Variants in ANKRD11 observed in about 807,000 individuals in gnomAD.
ANKRD11 encodes ankyrin repeat domain 11, also known as ankyrin repeat domain-containing protein 11.
Under a neutral mutation model 195.7 loss-of-function variants are expected in ANKRD11, and 17 were observed. That is an observed-to-expected ratio of 0.09 (90% CI 0.06 to 0.13). ANKRD11 has a LOEUF of 0.13. Among genes scored for constraint, ANKRD11 ranks in the 10% least tolerant of loss-of-function variants. The pLI is 1.00. For missense variants in ANKRD11, 3,735 were observed against 3,566.1 expected (o/e 1.05, Z -1.21); for synonymous variants, 1,953 against 1,528.1 (o/e 1.28, Z -6.49).
rs766233625 is a variant in ANKRD11, at chr16:89,285,086, A to C, written c.1456T>G (p.Ser486Ala). 1 of 1,613,808 alleles carries C rather than the reference A, an allele frequency of 6.2e-7. No individual in the cohort carries two copies. Among genetic ancestry groups the C allele is most frequent in the South Asian group, 1.1e-5 (1 of 91,082 alleles). ...FCSSESESES[S>A]ESGEDDRDSL... Reference sequence around the variant, plus strand: ...TCCCTGTCATCCTCCCCACTCTCTGAGGACTCGCTCTCCGACTCCGAGGAG... The same window carrying C: ...TCCCTGTCATCCTCCCCACTCTCTGCGGACTCGCTCTCCGACTCCGAGGAG... Residue 486 changes from serine to alanine, a missense_variant, in exon 9 of 13, where the codon TCA becomes GCA. Physicochemically the swap from Ser to Ala is moderately conservative, Grantham distance 99. Transcript: ENST00000301030. The surrounding 1 kb of genome is among the most constrained non-coding windows in gnomAD (Gnocchi z 5.6).
intron 2 of ANKRD11, among the ~76,000 whole-genome samples, chr16:89,407,120 A>AGGCTGGTGAAGCCCAGGTACTCG: frequency 6.6e-6 from 1 of 151,998 alleles, no homozygotes; most frequent in South Asian, 2.1e-4. Context: ...CGGGAGGCGG[A>AGGCTGGTGAAGCCCAGGTACTCG]GGAGGCGGTG....
At chr16:89,374,887 C>A (rs151113521) in intron 2 of ANKRD11, among the ~76,000 whole-genome samples, 7 of 152,070 alleles carry the variant, frequency 4.6e-5, no homozygotes, top group African/African-American at 1.2e-4. Context: ...AGATTTGTGA[C>A]CATTTGGAAA....
chr16:89,328,855 A>T (rs1311564399), intron 2 of ANKRD11: 2 of 125,510 alleles, frequency 1.6e-5, no homozygotes, highest in Non-Finnish European at 3.3e-5. Context: ...GCACGGGCGA[A>T]ATCAGTGGAG....
chr16:89,447,793 A>C (rs1016145245), intron 1 of ANKRD11, among the ~76,000 whole-genome samples: 1 of 150,956 alleles, frequency 6.6e-6, no homozygotes, highest in Non-Finnish European at 1.5e-5. Context: ...CCTAAAATAC[A>C]ATAACTTTTT....
intron 3 of ANKRD11, among the ~76,000 whole-genome samples, chr16:89,311,078 T>G (rs905194272): frequency 1.3e-5 from 2 of 152,236 alleles, no homozygotes; most frequent in Non-Finnish European, 2.9e-5. Flanking sequence ...TATTCCTAGT[T>G]TGCAGAATTT....
Position 89,282,258 on chromosome 16 carries a change from T to C in ANKRD11, c.4284A>G (p.Lys1428=). The change falls in exon 9 of 13, where the codon AAA becomes AAG. Residue 1428 remains lysine (K), a synonymous_variant. Transcript: ENST00000301030. ...KTIELFSTEK[K]DKNDSEREPS... ...GTTCTCTCTCGGAATCATTTTTATCTTTCTTTTCGGTAGAAAACAATTCAA... is the reference window on the plus strand; with the variant it reads ...GTTCTCTCTCGGAATCATTTTTATCCTTCTTTTCGGTAGAAAACAATTCAA... The C allele has an allele frequency of 2.5e-6, 4 of 1,614,242 alleles. No homozygotes were observed. The highest frequency in any genetic ancestry group is 3.4e-6 in the Non-Finnish European group (4 of 1,180,046).
At chr16:89,391,353 A>C (rs2041189711) in intron 2 of ANKRD11, among the ~76,000 whole-genome samples, 1 of 152,004 alleles carries the variant, frequency 6.6e-6, no homozygotes, top group Non-Finnish European at 1.5e-5. Flanking sequence ...GAGTGCTGGC[A>C]GTCTTGCGGG....
intron 1 of ANKRD11, among the ~76,000 whole-genome samples, chr16:89,438,121 G>GACAAGCAAAACTCTGTCTCA (rs2043291912): frequency 6.6e-6 from 1 of 152,252 alleles, no homozygotes; most frequent in Non-Finnish European, 1.5e-5. Flanking sequence ...AGGGGCACTG[G>GACAAGCAAAACTCTGTCTCA]AGATGGGTCC....
chr16:89,409,507 G>C (rs564998004), intron 2 of ANKRD11, among the ~76,000 whole-genome samples: 1 of 152,326 alleles, frequency 6.6e-6, no homozygotes, highest in East Asian at 1.9e-4. Context: ...GAGCAAGACA[G>C]CTAGCTTTTC....
In ANKRD11 at chr16:89,280,654, A is replaced by C; in HGVS notation, c.5888T>G (p.Ile1963Ser). ...PSEQALASSL[I>S]GGTSENPVSW... ...CACAGGGTTTTCAGAGGTGCCCCCGATCAGGCTAGAGGCAAGCGCCTGCTC... is the reference window on the plus strand; with the variant it reads ...CACAGGGTTTTCAGAGGTGCCCCCGCTCAGGCTAGAGGCAAGCGCCTGCTC... The change falls in exon 9 of 13, where the codon ATC (isoleucine) becomes AGC (serine). Residue 1963 changes from isoleucine (I) to serine (S), a missense_variant. Physicochemically the swap from Ile to Ser is moderately radical, Grantham distance 142. Transcript: ENST00000301030. 6.2e-7 allele frequency: 1 copy of C among 1,613,448 alleles called. No homozygotes were observed. The highest frequency in any genetic ancestry group is 8.5e-7 in the Non-Finnish European group (1 of 1,179,952).
intron 1 of ANKRD11, among the ~76,000 whole-genome samples, chr16:89,462,096 TC>T (rs2056696842): frequency 8.8e-6 from 1 of 113,578 alleles, no homozygotes; most frequent in Non-Finnish European, 1.8e-5. Flanking sequence ...GGTCTCCCTC[TC>T]CCTCTCTTTC....
intron 11 of ANKRD11, chr16:89,271,825 A>C (rs1453335581): frequency 6.6e-6 from 1 of 152,180 alleles, no homozygotes; most frequent in Non-Finnish European, 1.5e-5. Context: ...TCTCCAGGAC[A>C]TTGGCCTGGG....
chr16:89,449,158 C>T (rs1418853449), intron 1 of ANKRD11, among the ~76,000 whole-genome samples: 1 of 147,982 alleles, frequency 6.8e-6, no homozygotes, highest in African/African-American at 2.5e-5. Flanking sequence ...TAAGACCTGC[C>T]TAACCAACAC....
At chr16:89,270,361 C>T (rs537934909) in intron 12 of ANKRD11, 5 of 265,608 alleles carry the variant, frequency 1.9e-5, no homozygotes, top group East Asian at 9.5e-5. Context: ...TTCCGCCTTC[C>T]GTTGCCTCCT....
chr16:89,478,533 A>G (rs2057336275), intron 1 of ANKRD11, among the ~76,000 whole-genome samples: 1 of 152,094 alleles, frequency 6.6e-6, no homozygotes, highest in Non-Finnish European at 1.5e-5. Flanking sequence ...GCCCTCCAAA[A>G]AAGCAACCTG....
chr16:89,335,500 C>T (rs536899345), intron 2 of ANKRD11, among the ~76,000 whole-genome samples: 40 of 152,336 alleles, frequency 2.6e-4, no homozygotes, highest in African/African-American at 9.6e-4. Flanking sequence ...AGGTGCTCTC[C>T]CTCCTCTCCC....
intron 4 of ANKRD11, among the ~76,000 whole-genome samples, chr16:89,301,127 G>C (rs1262602228): frequency 1.3e-5 from 2 of 152,122 alleles, no homozygotes; most frequent in Non-Finnish European, 2.9e-5. Context: ...ATTTTTTATG[G>C]ACAGGGTCTC....
chr16:89,435,315 C>T (rs569435329), intron 1 of ANKRD11, among the ~76,000 whole-genome samples: 73 of 152,266 alleles, frequency 4.8e-4, no homozygotes, highest in African/African-American at 1.7e-3. Context: ...ATCAGCAGTA[C>T]GTGGGCAGGG....
intron 6 of ANKRD11, 135 bp from the exon 7 acceptor site, chr16:89,288,805 G>C (rs1240696405): frequency 1.6e-6 from 2 of 1,239,378 alleles, no homozygotes; most frequent in South Asian, 1.2e-5. Flanking sequence ...GAGGGCTGCA[G>C]TTTAGGGAAG....
Sources: allele counts gnomAD v4.1 joint callset (sites outside exome capture counted in the v4.1 genomes callset), GRCh38; gene constraint gnomAD v4.1.1; non-coding constraint Gnocchi (gnomAD v3.1); transcripts MANE v1.5; gene names NCBI Gene and HGNC (gene_info 2026-07-23, HGNC 2026-07-21).